SRGAP3: variants seen among roughly 807,000 people sequenced by gnomAD.
SRGAP3 encodes SLIT-ROBO Rho GTPase-activating protein 3.
In SRGAP3, 39 loss-of-function variants were observed where a neutral mutation model predicts 121.1. The observed-to-expected ratio is 0.32, with a 90% CI of 0.25 to 0.42. The LOEUF is 0.42. SRGAP3 is among the 10% of genes least tolerant of loss of function. The pLI is 1.00. For missense variants in SRGAP3, 1,213 were observed against 1,470.6 expected (o/e 0.82, Z 2.86); for synonymous variants, 601 against 570.0 (o/e 1.05, Z -0.77).
upstream of SRGAP3, among the ~76,000 whole-genome samples, chr3:9,250,725 C>A (rs964202663): frequency 6.6e-6 from 1 of 152,162 alleles, no homozygotes; most frequent in Non-Finnish European, 1.5e-5. Context: ...ACCACTCTTT[C>A]ACAGACAAAG....
At chr3:9,023,977 C>T (rs1203760987) in intron 14 of SRGAP3, among the ~76,000 whole-genome samples, 2 of 152,176 alleles carry the variant, frequency 1.3e-5, no homozygotes, top group Non-Finnish European at 2.9e-5. Context: ...AGAATGCTTC[C>T]TCCACCGCAG....
intron 3 of SRGAP3, among the ~76,000 whole-genome samples, chr3:9,323,474 C>T (rs888905309): frequency 2.6e-5 from 4 of 151,660 alleles, no homozygotes; most frequent in Non-Finnish European, 4.4e-5. Context: ...GAATATGCAG[C>T]GTTTCTCTAA....
At chr3:9,328,908 G>A (rs953464353) in intron 2 of SRGAP3, among the ~76,000 whole-genome samples, 1 of 152,196 alleles carries the variant, frequency 6.6e-6, no homozygotes, top group South Asian at 2.1e-4. Context: ...TAAAATTCCT[G>A]TTCTCTGGAA....
intron 1 of SRGAP3, among the ~76,000 whole-genome samples, chr3:9,194,786 G>A (rs572029707): frequency 3.9e-5 from 6 of 152,314 alleles, no homozygotes; most frequent in African/African-American, 1.2e-4. Flanking sequence ...AAGTCAGGAC[G>A]TGAATAAAAT....
At chr3:9,169,045 A>G (rs1950888540) in intron 1 of SRGAP3, among the ~76,000 whole-genome samples, 1 of 152,190 alleles carries the variant, frequency 6.6e-6, no homozygotes, top group Non-Finnish European at 1.5e-5. Context: ...CATGGCCAGC[A>G]CAACTGTACA....
At chr3:9,134,342 A>G (rs1949565231) in intron 1 of SRGAP3, among the ~76,000 whole-genome samples, 1 of 152,156 alleles carries the variant, frequency 6.6e-6, no homozygotes, top group African/African-American at 2.4e-5. Context: ...ACCAAGATCA[A>G]GGGAGCACTT....
At chr3:9,022,478 A>T (rs1943975818) in intron 14 of SRGAP3, among the ~76,000 whole-genome samples, 1 of 152,192 alleles carries the variant, frequency 6.6e-6, no homozygotes, top group African/African-American at 2.4e-5. Context: ...GATTTGGGCC[A>T]CCCCGTCGCC....
chr3:9,351,947 C>CA (rs1451602459), intron 1 of SRGAP3, among the ~76,000 whole-genome samples: 5 of 152,166 alleles, frequency 3.3e-5, no homozygotes, highest in African/African-American at 1.2e-4. Context: ...GCAACCAAGT[C>CA]AAAGAAGAGT....
At chr3:9,302,976 T>G (rs1162707787) in intron 3 of SRGAP3, among the ~76,000 whole-genome samples, 1 of 151,114 alleles carries the variant, frequency 6.6e-6, no homozygotes, top group Non-Finnish European at 1.5e-5. Context: ...TTTGAAATAG[T>G]AAATGGTTAT....
At chr3:9,046,269 A>T (rs569956709) in intron 10 of SRGAP3, among the ~76,000 whole-genome samples, 1 of 152,364 alleles carries the variant, frequency 6.6e-6, no homozygotes, top group East Asian at 1.9e-4. Context: ...GACAGAAATC[A>T]GATCAGAGTA....
At chr3:9,335,506 A>G (rs1297745800) in intron 1 of SRGAP3, among the ~76,000 whole-genome samples, 47 of 152,046 alleles carry the variant, frequency 3.1e-4, no homozygotes, top group Non-Finnish European at 3.1e-4. Context: ...TGTCCATTCT[A>G]TTAGGTTTTC....
At chr3:9,011,899 T>C (rs1014402879) in intron 17 of SRGAP3, among the ~76,000 whole-genome samples, 4 of 152,246 alleles carry the variant, frequency 2.6e-5, no homozygotes, top group Non-Finnish European at 5.9e-5. Context: ...AGTGTGGTTA[T>C]TGTATATTGT....
intron 3 of SRGAP3, among the ~76,000 whole-genome samples, chr3:9,304,762 A>G (rs1028521414): frequency 3.9e-5 from 6 of 152,136 alleles, no homozygotes; most frequent in African/African-American, 1.4e-4. Flanking sequence ...GCATCTTCCC[A>G]GGGCTTCCCA....
rs1941661638 is a variant in SRGAP3, at chr3:8,985,749, C to A, written c.3070G>T (p.Ala1024Ser). 1.3e-6 allele frequency: 2 copies of A among 1,598,952 alleles called. No homozygotes were observed. The highest frequency in any genetic ancestry group is 1.3e-5 in the African/African-American group (1 of 74,836). ...GAGGAGCTGCTGCTGCGGCGCATGG[C>A]GGCATCGGGGTCGCGGATGACGATG... is the stretch of plus-strand genomic sequence containing the variant. ...HTIVIRDPDA[A>S]MRRSSSSSTE... The change falls in exon 22 of 22, where the codon GCC becomes TCC. Residue 1024 changes from alanine to serine, a missense_variant. Physicochemically the swap from Ala to Ser is moderately conservative, Grantham distance 99 (BLOSUM62 1). Around this residue, in one of 2 missense-constraint regions of SRGAP3, gnomAD observed 420 missense variants for 437.7 expected, o/e 0.96. Transcript: ENST00000383836. The surrounding 1 kb of genome is among the most constrained non-coding windows in gnomAD (Gnocchi z 5.1).
At chr3:9,135,384 C>T (rs771334947) in intron 1 of SRGAP3, among the ~76,000 whole-genome samples, 23 of 152,156 alleles carry the variant, frequency 1.5e-4, no homozygotes, top group Non-Finnish European at 3.2e-4. Flanking sequence ...TGGAGTCTTC[C>T]AAACCCTCCC....
At chr3:9,242,179 G>C (rs531555696) in intron 1 of SRGAP3, among the ~76,000 whole-genome samples, 1 of 151,238 alleles carries the variant, frequency 6.6e-6, no homozygotes, top group African/African-American at 2.4e-5. Flanking sequence ...CATGGCTAAA[G>C]GCAGCTGTCT....
At chr3:9,276,281 G>A (rs1165376599) in intron 3 of SRGAP3, among the ~76,000 whole-genome samples, 1 of 152,026 alleles carries the variant, frequency 6.6e-6, no homozygotes, top group Non-Finnish European at 1.5e-5. Flanking sequence ...AAAAGCCTCT[G>A]GTGACTAAGG....
At chr3:9,143,068 G>C (rs1949913393) in intron 1 of SRGAP3, among the ~76,000 whole-genome samples, 1 of 151,886 alleles carries the variant, frequency 6.6e-6, no homozygotes, top group Admixed American at 6.6e-5. Flanking sequence ...GAGAACTCCA[G>C]GGCTCAAGCG....
At chr3:9,042,761 C>T (rs1206347810) in intron 10 of SRGAP3, among the ~76,000 whole-genome samples, 3 of 152,204 alleles carry the variant, frequency 2.0e-5, no homozygotes, top group African/African-American at 7.2e-5. Context: ...GAGCTGATGG[C>T]AGCCCATGAA....
Sources: allele counts gnomAD v4.1 joint callset (sites outside exome capture counted in the v4.1 genomes callset), GRCh38; gene constraint gnomAD v4.1.1; regional missense constraint gnomAD v4.1.1; non-coding constraint Gnocchi (gnomAD v3.1); transcripts MANE v1.5; gene names NCBI Gene and HGNC (gene_info 2026-07-23, HGNC 2026-07-21).